CAP2: variants seen among roughly 807,000 people sequenced by gnomAD.
CAP2 encodes the protein adenylyl cyclase-associated protein 2.
A neutral mutation model predicts 57.7 loss-of-function variants in CAP2; 24 were observed. The observed-to-expected ratio is 0.42, with a 90% CI of 0.30 to 0.58. The LOEUF is 0.58. Ranked by LOEUF, CAP2 falls within the 20% of genes least tolerant of loss-of-function variation. The pLI is 0.22. For missense variants in CAP2, 501 were observed against 590.3 expected (o/e 0.85, Z 1.57); for synonymous variants, 194 against 207.2 (o/e 0.94, Z 0.55).
chr6:17,421,322 G>A (rs1759439392), intron 1 of CAP2, among the ~76,000 whole-genome samples: 1 of 152,082 alleles, frequency 6.6e-6, no homozygotes, highest in South Asian at 2.1e-4. Flanking sequence ...CCAAACCTCA[G>A]AAATCACCAC....
intron 1 of CAP2, among the ~76,000 whole-genome samples, chr6:17,399,481 G>T (rs556145096): frequency 2.0e-5 from 3 of 152,268 alleles, no homozygotes; most frequent in African/African-American, 7.2e-5. Context: ...TGAAGGGATT[G>T]TTTCCCTTTC....
At chr6:17,492,587 C>T (rs568265797) in intron 4 of CAP2, among the ~76,000 whole-genome samples, 2 of 152,324 alleles carry the variant, frequency 1.3e-5, no homozygotes, top group African/African-American at 2.4e-5. Flanking sequence ...TCCCTGTCCA[C>T]TTCCTGATTT....
intron 2 of CAP2, among the ~76,000 whole-genome samples, chr6:17,422,684 A>G (rs1451091412): frequency 6.6e-6 from 1 of 152,080 alleles, no homozygotes; most frequent in African/African-American, 2.4e-5. Context: ...TCCTAATACC[A>G]TACTGTAAAA....
intron 7 of CAP2, among the ~76,000 whole-genome samples, chr6:17,521,276 G>A (rs1479948280): frequency 6.6e-6 from 1 of 151,842 alleles, no homozygotes; most frequent in Non-Finnish European, 1.5e-5. Flanking sequence ...AAAATTAGCC[G>A]CACAAGGTGG....
rs1759172241 is a variant in CAP2, at chr6:17,412,760, A to C, written c.-1-8795A>C. Reference sequence around the variant, plus strand: ...CTTAGAGGAGGAATATTTATATATAAGGCAAATTAGGGATGGTTCTGAGGG... The same window carrying C: ...CTTAGAGGAGGAATATTTATATATACGGCAAATTAGGGATGGTTCTGAGGG... On this transcript the variant is annotated intron_variant, in intron 1 of 12. Transcript: ENST00000229922. Among the ~76,000 whole-genome samples, 3 of 152,224 alleles carry C rather than the reference A, an allele frequency of 2.0e-5. No individual in the cohort carries two copies. The South Asian group carries it at 6.2e-4, about 32-fold the overall frequency.
At chr6:17,524,900 T>C (rs1196916283) in intron 7 of CAP2, among the ~76,000 whole-genome samples, 14 of 127,820 alleles carry the variant, frequency 1.1e-4, no homozygotes, top group East Asian at 2.3e-4. Context: ...TTTCTTTTTT[T>C]TTTTTTTTTT....
chr6:17,539,090 G>C lies in CAP2; in HGVS notation c.637-179G>C, dbSNP rs144886355. 1.8e-4 allele frequency among the ~76,000 whole-genome samples: 28 copies of C among 152,322 alleles called. No homozygotes were observed. In the East Asian group the frequency reaches 5.4e-3, roughly 29 times the overall value. ...TCATGTTCCACTTTCCCAAGCTGGA[G>C]CTGCCATGGTTCAGATCCTCCCAAA... is the stretch of plus-strand genomic sequence containing the variant. On this transcript the variant is annotated intron_variant, in intron 7 of 12. Coordinates refer to ENST00000229922, the MANE Select transcript of CAP2 (RefSeq NM_006366.3).
intron 4 of CAP2, 71 bp from the exon 5 acceptor site, chr6:17,507,098 C>A: frequency 6.5e-7 from 1 of 1,528,322 alleles, no homozygotes; most frequent in Non-Finnish European, 9.1e-7. Context: ...CCTGCTTAGG[C>A]CAACATGGAT....
At chr6:17,394,085 C>T (rs1312196065) in intron 1 of CAP2, among the ~76,000 whole-genome samples, 10 of 150,266 alleles carry the variant, frequency 6.7e-5, no homozygotes, top group Non-Finnish European at 1.5e-4. Context: ...CGGCCGCGGC[C>T]TCCCCACCCC....
At chr6:17,421,503 C>T in intron 1 of CAP2, 52 bp from the exon 2 acceptor site, 1 of 1,606,622 alleles carries the variant, frequency 6.2e-7, no homozygotes. Context: ...TGTTGGTTTA[C>T]TCATCCTCCC....
At chr6:17,541,377 C>T (rs545957953) in intron 9 of CAP2, among the ~76,000 whole-genome samples, 38 of 151,950 alleles carry the variant, frequency 2.5e-4, no homozygotes, top group African/African-American at 8.4e-4. Flanking sequence ...GTCAGGAGTT[C>T]GAGACCAGCC....
rs1225784654 is a variant in CAP2 at position 17,438,437 on chromosome 6, T to TTTTG, written c.222+11750_222+11751insGTTT. On this transcript the variant is annotated intron_variant, in intron 3 of 12. Transcript: ENST00000229922. ...CTTGTTTGACCATCCAGAAGTGTTT[T>TTTTG]TTTTTTTTTTTTTTTTTTTGAGACG... 4.0e-3 allele frequency among the ~76,000 whole-genome samples: 463 copies of TTTTG among 115,258 alleles called. 27 individuals carry two copies. Among genetic ancestry groups the TTTTG allele is most frequent in the African/African-American group, 0.019 (441 of 23,762 alleles). The allele number at this position is 115,258 out of a possible 152,430, so 75.6% of individuals were successfully genotyped here.
chr6:17,520,075 G>A (rs1225134936), intron 7 of CAP2, among the ~76,000 whole-genome samples: 1 of 152,066 alleles, frequency 6.6e-6, no homozygotes, highest in African/African-American at 2.4e-5. Context: ...TAATAGTGAT[G>A]TAGTTCTATT....
At chr6:17,396,185 C>A (rs368689674) in intron 1 of CAP2, among the ~76,000 whole-genome samples, 19 of 152,130 alleles carry the variant, frequency 1.2e-4, no homozygotes, top group African/African-American at 4.3e-4. Context: ...GGAATTGGAA[C>A]CTTTGTACAC....
In CAP2 at chr6:17,460,948, G is replaced by C. The variant is rs1760703439; in HGVS notation, c.223-2048G>C. 2.0e-5 allele frequency among the ~76,000 whole-genome samples: 3 copies of C among 152,104 alleles called. No homozygotes were observed. The South Asian group carries it at 6.2e-4, about 32-fold the overall frequency. Reference sequence around the variant, plus strand: ...GGATCGCTTGAGCACAAGAGTTTGAGACCAGCCTGGACAACATAGCAAGAA... The same window carrying C: ...GGATCGCTTGAGCACAAGAGTTTGACACCAGCCTGGACAACATAGCAAGAA... On this transcript the variant is annotated intron_variant, in intron 3 of 12. Transcript: ENST00000229922.
At chr6:17,499,398 CAAAAAAAAAA>C (rs71002217) in intron 4 of CAP2, among the ~76,000 whole-genome samples, 1 of 69,566 alleles carries the variant, frequency 1.4e-5, no homozygotes, top group African/African-American at 5.2e-5. Flanking sequence ...GACTCCATCT[CAAAAAAAAAA>C]AAAAAAAAAA....
At chr6:17,549,213 C>T (rs1763117918) in intron 11 of CAP2, among the ~76,000 whole-genome samples, 1 of 152,128 alleles carries the variant, frequency 6.6e-6, no homozygotes, top group African/African-American at 2.4e-5. Flanking sequence ...CCTGTAATCC[C>T]AGAACTTTGG....
chr6:17,543,879 C>T (rs1171179355), intron 11 of CAP2, among the ~76,000 whole-genome samples: 1 of 152,092 alleles, frequency 6.6e-6, no homozygotes, highest in Non-Finnish European at 1.5e-5. Flanking sequence ...AATCCCAACA[C>T]TTTGGGAGGC....
chr6:17,474,002 A>T (rs1359180589), intron 4 of CAP2, among the ~76,000 whole-genome samples: 1 of 152,182 alleles, frequency 6.6e-6, no homozygotes, highest in Non-Finnish European at 1.5e-5. Flanking sequence ...GCTAATTGAA[A>T]TACACTCTGC....
Sources: gnomAD v4.1 joint callset for allele counts (sites outside exome capture counted in the v4.1 genomes callset) on GRCh38, gnomAD v4.1.1 for gene constraint, MANE v1.5 for transcripts, NCBI Gene and HGNC (gene_info 2026-07-23, HGNC 2026-07-21) for gene names.